The following ATP8A1 variants were observed in gnomAD, a reference collection of about 807,000 sequenced individuals.
ATP8A1 encodes phospholipid-transporting ATPase IA.
Under a neutral mutation model 177.7 loss-of-function variants are expected in ATP8A1, and 90 were observed. The observed-to-expected ratio is 0.51, with a 90% CI of 0.43 to 0.60. The LOEUF (loss-of-function observed/expected upper bound fraction) is 0.60. Ranked by LOEUF, ATP8A1 falls within the 20% of genes least tolerant of loss-of-function variation. ATP8A1 has a pLI of 0.00. For missense variants in ATP8A1, 1,072 were observed against 1,392.8 expected (o/e 0.77, Z 3.67); for synonymous variants, 493 against 485.9 (o/e 1.01, Z -0.19).
chr4:42,475,745 T>G (rs1192681220), intron 25 of ATP8A1, among the ~76,000 whole-genome samples: 2 of 152,036 alleles, frequency 1.3e-5, no homozygotes, highest in Admixed American at 6.6e-5. Flanking sequence ...TTTTAAAGAT[T>G]AAAAAACCAG....
At chr4:42,625,954 AATT>A in intron 2 of ATP8A1, 1 of 286,292 alleles carries the variant, frequency 3.5e-6, no homozygotes, top group Non-Finnish European at 6.5e-6. Context: ...CTATTTGGCC[AATT>A]ATTCTGCTTA....
chr4:42,417,525 T>C, intron 35 of ATP8A1, among the ~76,000 whole-genome samples: 1 of 152,116 alleles, frequency 6.6e-6, no homozygotes, highest in East Asian at 1.9e-4. Flanking sequence ...CCCACTAAAA[T>C]GTTGCAATTT....
intron 24 of ATP8A1, among the ~76,000 whole-genome samples, chr4:42,486,853 T>C (rs1480571477): frequency 6.6e-6 from 1 of 152,168 alleles, no homozygotes; most frequent in Admixed American, 6.5e-5. Flanking sequence ...ATAGGCTATC[T>C]TGTGTAGCCT....
chr4:42,440,290 G>C (rs1044749376), intron 33 of ATP8A1, among the ~76,000 whole-genome samples: 1 of 149,836 alleles, frequency 6.7e-6, no homozygotes, highest in African/African-American at 2.5e-5. Flanking sequence ...GTCCTACAGC[G>C]AAAATATAAA....
At chr4:42,437,692 T>C (rs1262923470) in intron 33 of ATP8A1, among the ~76,000 whole-genome samples, 4 of 152,202 alleles carry the variant, frequency 2.6e-5, no homozygotes, top group African/African-American at 9.7e-5. Flanking sequence ...TTTGAATCAT[T>C]ATCATGGGTA....
intron 15 of ATP8A1, chr4:42,561,920 T>C (rs553671664): frequency 9.2e-5 from 14 of 152,318 alleles, no homozygotes; most frequent in African/African-American, 3.1e-4. Flanking sequence ...TTAGTTGCAC[T>C]AACACTGTAA....
chr4:42,483,748 G>A (rs76864992), intron 25 of ATP8A1, among the ~76,000 whole-genome samples: 1 of 152,150 alleles, frequency 6.6e-6, no homozygotes, highest in Admixed American at 6.5e-5. Flanking sequence ...ACTGTGTTAA[G>A]CAATGCTTTA....
chr4:42,482,231 G>A (rs890720108), intron 25 of ATP8A1, among the ~76,000 whole-genome samples: 1 of 151,938 alleles, frequency 6.6e-6, no homozygotes, highest in African/African-American at 2.4e-5. Context: ...GAACCCAGGA[G>A]GTGGGGGTTG....
At chr4:42,603,234 T>C (rs1295819750) in intron 5 of ATP8A1, among the ~76,000 whole-genome samples, 8 of 152,200 alleles carry the variant, frequency 5.3e-5, no homozygotes, top group Admixed American at 1.3e-4. Context: ...TCTGTACTTA[T>C]TTACATCTTA....
intron 26 of ATP8A1, 23 bp downstream of exon 26, chr4:42,464,870 G>T: frequency 6.2e-7 from 1 of 1,613,198 alleles, no homozygotes; most frequent in Non-Finnish European, 8.5e-7. Flanking sequence ...GGAATGATGT[G>T]TTTTGCAGAA....
At chr4:42,462,733 A>G (rs1375415081) in intron 27 of ATP8A1, among the ~76,000 whole-genome samples, 1 of 152,242 alleles carries the variant, frequency 6.6e-6, no homozygotes, top group African/African-American at 2.4e-5. Flanking sequence ...TCAGAATGGT[A>G]GATCCACTGA....
intron 33 of ATP8A1, among the ~76,000 whole-genome samples, chr4:42,431,148 C>A (rs560743037): frequency 6.6e-6 from 1 of 152,004 alleles, no homozygotes; most frequent in South Asian, 2.1e-4. Context: ...ATTGATTTAA[C>A]GACTAAGTTA....
chr4:42,602,277 A>G (rs1281870378), intron 5 of ATP8A1, among the ~76,000 whole-genome samples: 3 of 152,194 alleles, frequency 2.0e-5, no homozygotes, highest in Non-Finnish European at 4.4e-5. Context: ...CTGAAACACA[A>G]GACTCTAATG....
intron 16 of ATP8A1, among the ~76,000 whole-genome samples, chr4:42,553,512 A>G (rs1273882845): frequency 6.6e-6 from 1 of 152,218 alleles, no homozygotes; most frequent in African/African-American, 2.4e-5. Context: ...CTTAGGGTTT[A>G]TAGGAGAGAA....
At position 42,444,599 on chromosome 4, in the gene ATP8A1, C is replaced by T. The variant is rs144342471; in HGVS notation, c.2994G>A (p.Leu998=). The T allele has an allele frequency of 5.6e-6, 9 of 1,613,766 alleles. No individual in the cohort carries two copies. The highest frequency in any genetic ancestry group is 6.8e-6 in the Non-Finnish European group (8 of 1,179,956). The change falls in exon 32 of 37, where the codon TTG becomes TTA. Residue 998 remains leucine (L), a synonymous_variant. Coordinates refer to ENST00000381668, the MANE Select transcript of ATP8A1 (RefSeq NM_006095.2). ...TTACCCATGTCCAATATGATGTCTC[C>T]AATCCAGCTTTCAAACACACAGTTA... ...VVITVCLKAG[L]ETSYWTWFSH...
At chr4:42,472,040 C>A in intron 25 of ATP8A1, 1 of 721,440 alleles carries the variant, frequency 1.4e-6, no homozygotes, top group South Asian at 1.4e-5. Flanking sequence ...AAATCCAACT[C>A]TGGCTAGTAC....
chr4:42,601,374 GA>G (rs11435358), intron 5 of ATP8A1, among the ~76,000 whole-genome samples: 3 of 145,088 alleles, frequency 2.1e-5, no homozygotes, highest in Non-Finnish European at 4.5e-5. Context: ...TTTCTGAAAA[GA>G]AAAAAAAAAG....
At chr4:42,594,446 C>T (rs373715456) in intron 6 of ATP8A1, 34 of 140,866 alleles carry the variant, frequency 2.4e-4, no homozygotes, top group African/African-American at 1.2e-3. Flanking sequence ...GCATAGAATA[C>T]ACAGTAAAAA....
intron 1 of ATP8A1, among the ~76,000 whole-genome samples, chr4:42,643,876 A>C (rs1210756081): frequency 6.6e-6 from 1 of 152,230 alleles, no homozygotes; most frequent in Non-Finnish European, 1.5e-5. Flanking sequence ...CCAGGCCTAC[A>C]GGAAGTCCCA....
Sources: allele counts gnomAD v4.1 joint callset (sites outside exome capture counted in the v4.1 genomes callset), GRCh38; gene constraint gnomAD v4.1.1; transcripts MANE v1.5; gene names NCBI Gene and HGNC (gene_info 2026-07-23, HGNC 2026-07-21).